NHSL2: variants seen among roughly 807,000 people sequenced by gnomAD.
NHSL2 encodes the protein NHS like 2, also known as NHS-like protein 2.
Under a neutral mutation model 53.4 loss-of-function variants are expected in NHSL2, and 27 were observed. That is an observed-to-expected ratio of 0.51 (90% CI 0.37 to 0.70). The LOEUF is 0.70. Among genes scored for constraint, NHSL2 ranks in the 30% least tolerant of loss-of-function variants. NHSL2 has a pLI of 0.00. For missense variants in NHSL2, 892 were observed against 980.1 expected, an observed-to-expected ratio of 0.91 and a Z score of 1.20; for synonymous variants, 408 against 404.1, an observed-to-expected ratio of 1.01 and a Z score of -0.12.
chrX:72,101,322 C>G (rs770533753), intron 1 of NHSL2, among the ~76,000 whole-genome samples: 4 of 110,251 alleles, frequency 3.6e-5, no homozygotes, highest in Non-Finnish European at 5.7e-5. Flanking sequence ...GGGTGGGTGT[C>G]GGCAGAATGG....
intron 1 of NHSL2, among the ~76,000 whole-genome samples, chrX:71,927,588 G>T (rs1417797884): frequency 2.8e-5 from 3 of 106,023 alleles, no homozygotes; most frequent in African/African-American, 1.0e-4. Context: ...ACGGAGTCTT[G>T]CTCTGTGACC....
chrX:72,128,445 A>G (rs747030644), intron 1 of NHSL2: 2 of 112,791 alleles, frequency 1.8e-5, no homozygotes, highest in Non-Finnish European at 3.7e-5. Flanking sequence ...CTGGCATTTT[A>G]TGGCCAAAAC....
intron 1 of NHSL2, among the ~76,000 whole-genome samples, chrX:72,108,204 G>A (rs1444377156): frequency 8.9e-6 from 1 of 112,196 alleles, no homozygotes; most frequent in Non-Finnish European, 1.9e-5. Context: ...GTGGTGTGCA[G>A]TGTTATCCTA....
intron 1 of NHSL2, among the ~76,000 whole-genome samples, chrX:71,962,518 A>ATCT (rs2041872113): frequency 9.1e-6 from 1 of 110,185 alleles, no homozygotes; most frequent in African/African-American, 3.3e-5. Flanking sequence ...GATTTTCTAT[A>ATCT]TCTTGAGTTC....
intron 1 of NHSL2, among the ~76,000 whole-genome samples, chrX:72,003,920 G>A (rs1195451868): frequency 1.8e-5 from 2 of 111,739 alleles, no homozygotes; most frequent in African/African-American, 3.3e-5. Context: ...TAGAGCCAAC[G>A]CTTCTAACCA....
At chrX:71,998,844 A>G (rs1023519571) in intron 1 of NHSL2, among the ~76,000 whole-genome samples, 3 of 111,742 alleles carry the variant, frequency 2.7e-5, no homozygotes, top group African/African-American at 9.8e-5. Context: ...ACACTGCCTC[A>G]TCTTTCAAGA....
At chrX:72,056,645 C>T (rs961021858) in intron 1 of NHSL2, among the ~76,000 whole-genome samples, 5 of 111,672 alleles carry the variant, frequency 4.5e-5, no homozygotes, top group African/African-American at 1.3e-4. Flanking sequence ...TTATTGGTAT[C>T]CCAAGTACCT....
chrX:72,105,439 T>C (rs1033853630), intron 1 of NHSL2, among the ~76,000 whole-genome samples: 1 of 111,235 alleles, frequency 9.0e-6, no homozygotes, highest in Admixed American at 9.5e-5. Flanking sequence ...GGAATTTGAG[T>C]CCTTGATGCC....
intron 1 of NHSL2, among the ~76,000 whole-genome samples, chrX:72,020,306 C>T (rs940495567): frequency 1.8e-5 from 2 of 112,392 alleles, no homozygotes; most frequent in Admixed American, 1.9e-4. Flanking sequence ...CTTGTGTTCC[C>T]AGCAAAAGCA....
rs192239200 is a variant in NHSL2 at position 72,042,833 on chromosome X, A to G, written c.281-89246A>G. On this transcript the variant is annotated intron_variant, in intron 1 of 7. Transcript: ENST00000633930. Reference sequence around the variant, plus strand: ...GGGCCTGGATGGAAGATGTGGGCCTATATTGTGTGCCCGGTGCATTGTAGG... The same window carrying G: ...GGGCCTGGATGGAAGATGTGGGCCTGTATTGTGTGCCCGGTGCATTGTAGG... 3.9e-3 allele frequency among the ~76,000 whole-genome samples: 428 copies of G among 110,314 alleles called. 2 individuals are homozygous for G. Among genetic ancestry groups the G allele is most frequent in the Admixed American group, 0.01 (109 of 10,420 alleles).
chrX:72,046,796 G>A (rs1372021654), intron 1 of NHSL2, among the ~76,000 whole-genome samples: 2 of 111,006 alleles, frequency 1.8e-5, no homozygotes, highest in African/African-American at 6.6e-5. Context: ...CTGGCCCAGA[G>A]CAAGATTCAG....
intron 1 of NHSL2, among the ~76,000 whole-genome samples, chrX:71,929,058 T>C (rs1221970250): frequency 9.0e-6 from 1 of 111,431 alleles, no homozygotes; most frequent in Non-Finnish European, 1.9e-5. Context: ...AGACCTACCG[T>C]GGAGGCAGTT....
intron 1 of NHSL2, among the ~76,000 whole-genome samples, chrX:72,054,398 A>C (rs1161485114): frequency 9.0e-6 from 1 of 111,582 alleles, no homozygotes; most frequent in Non-Finnish European, 1.9e-5. Flanking sequence ...GCTGATCCGC[A>C]TTCTGTCGTT....
At chrX:72,106,619 A>G (rs184102085) in intron 1 of NHSL2, among the ~76,000 whole-genome samples, 81 of 111,921 alleles carry the variant, frequency 7.2e-4, no homozygotes, top group East Asian at 4.5e-3. Flanking sequence ...TACTGGGTAT[A>G]TACCCAGAGG....
chrX:72,125,038 G>A (rs971249174), intron 1 of NHSL2, among the ~76,000 whole-genome samples: 8 of 99,489 alleles, frequency 8.0e-5, no homozygotes, highest in Non-Finnish European at 1.5e-4. Context: ...CAGCAGCCCA[G>A]GAAAGCATTG....
At chrX:72,119,351 A>G (rs992048921) in intron 1 of NHSL2, among the ~76,000 whole-genome samples, 8 of 112,036 alleles carry the variant, frequency 7.1e-5, no homozygotes, top group African/African-American at 2.3e-4. Context: ...CTGTAGATCA[A>G]TTTGAGGAAT....
chrX:72,144,333 A>G lies in NHSL2; in HGVS notation c.*759A>G. The stretch of plus-strand genomic sequence containing the variant: ...GAACCAAGCTTGACCAACAAACAAG[A>G]CAGCCATTTGTTCACTCAGATCTAG... On this transcript the variant is annotated 3_prime_UTR_variant, in exon 8 of 8. Transcript: ENST00000633930. 8.6e-6 allele frequency: 2 copies of G among 231,576 alleles called. No individual in the cohort carries two copies. Among genetic ancestry groups the G allele is most frequent in the Non-Finnish European group, 1.6e-5 (2 of 124,265 alleles). 19.1% of individuals were successfully genotyped at this position (231,576 alleles called of 1,213,427 possible).
rs149334601 is a variant in NHSL2, at chrX:72,124,863, C to T, written c.281-7216C>T. On this transcript the variant is annotated intron_variant, in intron 1 of 7. Coordinates refer to ENST00000633930, the MANE Select transcript of NHSL2 (RefSeq NM_001013627.3). ...TTTTTAGGACCCTCGCCATCCTTGT[C>T]ACCCTTCTACTGTCTTCCTTCCTTC... Among the ~76,000 whole-genome samples, 313 of 111,972 alleles carry T rather than the reference C, an allele frequency of 2.8e-3. 1 individual carries two copies. Among genetic ancestry groups the T allele is most frequent in the African/African-American group, 9.4e-3 (289 of 30,784 alleles).
At chrX:71,923,536 C>T (rs184823376) in intron 1 of NHSL2, among the ~76,000 whole-genome samples, 1 of 112,112 alleles carries the variant, frequency 8.9e-6, no homozygotes, top group Admixed American at 9.4e-5. Flanking sequence ...TGCCAGGTGC[C>T]ACCAGGCACC....
Sources: gnomAD v4.1 joint callset for allele counts (sites outside exome capture counted in the v4.1 genomes callset) on GRCh38, gnomAD v4.1.1 for gene constraint, MANE v1.5 for transcripts, NCBI Gene and HGNC (gene_info 2026-07-23, HGNC 2026-07-21) for gene names.